The following ZNF365 variants were observed in gnomAD, a reference collection of about 807,000 sequenced individuals.
The protein encoded by ZNF365 is zinc finger protein 365.
Under a neutral mutation model 35.0 loss-of-function variants are expected in ZNF365, and 22 were observed. The observed-to-expected ratio is 0.63, with a 90% CI of 0.45 to 0.90. ZNF365 has a LOEUF of 0.90. Ranked by LOEUF, ZNF365 falls within the 40% of genes least tolerant of loss-of-function variation. The probability of loss-of-function intolerance (pLI) is 0.00; values close to 1 mark genes in which losing one functional copy is unlikely to be tolerated. For synonymous variants in ZNF365, 188 were observed against 196.2 expected, an observed-to-expected ratio of 0.96 and a Z score of 0.35; for missense variants, 448 against 500.3, an observed-to-expected ratio of 0.90 and a Z score of 1.00.
downstream of ZNF365, among the ~76,000 whole-genome samples, chr10:62,404,934 T>A (rs150496874): frequency 1.8e-3 from 270 of 152,334 alleles, 1 homozygote; most frequent in Middle Eastern, 6.8e-3. Flanking sequence ...ATATTTATCC[T>A]TACAGAATCC....
In ZNF365 at chr10:62,400,379, C is replaced by T. The variant is rs922162879; in HGVS notation, c.*590C>T. 2.6e-5 allele frequency: 26 copies of T among 986,216 alleles called. No individual in the cohort carries two copies. The allele number at this position is 986,216 out of a possible 1,614,324, so 61.1% of individuals were successfully genotyped here. On this transcript the variant is annotated 3_prime_UTR_variant, in exon 5 of 5. Transcript: ENST00000395254. Reference sequence around the variant, plus strand: ...ACTCGTTCAGTCAGACTTCAGTTCTCATTCCGACAGGGTGTCTTTCAGTTC... The same window carrying T: ...ACTCGTTCAGTCAGACTTCAGTTCTTATTCCGACAGGGTGTCTTTCAGTTC...
intron 3 of ZNF365, among the ~76,000 whole-genome samples, chr10:62,430,885 G>T (rs915290782): frequency 1.3e-5 from 2 of 152,134 alleles, no homozygotes; most frequent in Non-Finnish European, 2.9e-5. Context: ...GTGTCTTTAG[G>T]TGTATTCCTG....
At position 62,459,133 on chromosome 10, in the gene ZNF365, A is replaced by G. The variant is rs1840806635; in HGVS notation, c.925-608A>G. On this transcript the variant is annotated intron_variant, in intron 3 of 4. Coordinates refer to the ZNF365 transcript ENST00000395255. ...ATATATGGTTCTACTGAGGATGGCT[A>G]AAACACACATAGATGGAGGGAGAGC... Among the ~76,000 whole-genome samples, 3 of 152,256 alleles carry G rather than the reference A, an allele frequency of 2.0e-5. No homozygotes were observed. In the South Asian group the frequency reaches 6.2e-4, roughly 31 times the overall value.
At chr10:62,418,656 C>T (rs181414272) in intron 3 of ZNF365, among the ~76,000 whole-genome samples, 11 of 151,974 alleles carry the variant, frequency 7.2e-5, no homozygotes, top group Admixed American at 1.3e-4. Context: ...AATACGTGGG[C>T]GAAGTAATGG....
Position 62,442,318 on chromosome 10 carries a change from T to G in ZNF365, c.925-17423T>G, listed in dbSNP as rs74158908. ...TCGAAAGAGAGAAGGAAAATTTCCC[T>G]GCTAAATTGAATGCTCAGAGATGAA... On this transcript the variant is annotated intron_variant, in intron 3 of 4. Transcript: ENST00000395255. Among the ~76,000 whole-genome samples the G allele has an allele frequency of 9.9e-3, 1,506 of 152,316 alleles. 27 individuals are homozygous for G. Among genetic ancestry groups the G allele is most frequent in the African/African-American group, 0.034 (1,431 of 41,556 alleles).
chr10:62,387,711 T>C (rs1329911215), intron 2 of ZNF365, among the ~76,000 whole-genome samples: 2 of 152,212 alleles, frequency 1.3e-5, no homozygotes, highest in Non-Finnish European at 2.9e-5. Flanking sequence ...TGTTTTGTTC[T>C]AAGCTCTAAG....
At chr10:62,473,064 C>G (rs79081897) in intron 4 of ZNF365, among the ~76,000 whole-genome samples, 7,268 of 152,288 alleles carry the variant, frequency 0.048, 224 homozygotes, top group East Asian at 0.17. Flanking sequence ...CCATACGCCC[C>G]TTGGGGAAAG....
In ZNF365 at chr10:62,428,774, G is replaced by A. The variant is rs148570034; in HGVS notation, c.925-30967G>A. Among the ~76,000 whole-genome samples, 300 of 152,304 alleles carry A rather than the reference G, an allele frequency of 2.0e-3. 6 individuals carry two copies. The East Asian group carries it at 0.034, about 17-fold the overall frequency. Reference sequence around the variant, plus strand: ...GTAAAAATCCCACTTGACACTGAACGTGGCTTGTCACTCTAGACTCCTTCC... The same window carrying A: ...GTAAAAATCCCACTTGACACTGAACATGGCTTGTCACTCTAGACTCCTTCC... On this transcript the variant is annotated intron_variant, in intron 3 of 4. Coordinates refer to the ZNF365 transcript ENST00000395255.
chr10:62,403,016 G>A (rs569779461), downstream of ZNF365, among the ~76,000 whole-genome samples: 1 of 152,302 alleles, frequency 6.6e-6, no homozygotes, highest in South Asian at 2.1e-4. Flanking sequence ...AACAGTGCAA[G>A]GGTTAGGGAC....
chr10:62,406,273 T>C (rs1483945196), downstream of ZNF365, among the ~76,000 whole-genome samples: 2 of 152,150 alleles, frequency 1.3e-5, no homozygotes, highest in Non-Finnish European at 2.9e-5. Context: ...TTCTTTTTCA[T>C]CTAGTTAATT....
chr10:62,475,746 C>T (rs577073518), intron 4 of ZNF365, among the ~76,000 whole-genome samples: 14 of 152,256 alleles, frequency 9.2e-5, no homozygotes, highest in African/African-American at 3.1e-4. Context: ...GGCACCATGG[C>T]GGGATGAAGC....
At chr10:62,467,007 G>GAGACC (rs1340048491) in intron 4 of ZNF365, among the ~76,000 whole-genome samples, 1 of 152,156 alleles carries the variant, frequency 6.6e-6, no homozygotes, top group Non-Finnish European at 1.5e-5. Context: ...TTGTCTGGCT[G>GAGACC]AGACCATTAA....
intron 2 of ZNF365, among the ~76,000 whole-genome samples, chr10:62,382,180 G>A (rs1425856193): frequency 2.0e-5 from 3 of 152,188 alleles, no homozygotes; most frequent in Non-Finnish European, 2.9e-5. Flanking sequence ...AACTTGCTTT[G>A]CACAACCAAA....
chr10:62,453,787 GTTCAT>G (rs1840722027), intron 3 of ZNF365, among the ~76,000 whole-genome samples: 1 of 152,088 alleles, frequency 6.6e-6, no homozygotes. Flanking sequence ...CCATAAAGAT[GTTCAT>G]TTCAAGATTG....
chr10:62,375,097 C>T (rs942779925), intron 1 of ZNF365, among the ~76,000 whole-genome samples: 1 of 152,176 alleles, frequency 6.6e-6, no homozygotes, highest in African/African-American at 2.4e-5. Flanking sequence ...AGCTGGGCTC[C>T]CTCATTTCGG....
At chr10:62,379,419 A>T (rs966277762) in intron 2 of ZNF365, among the ~76,000 whole-genome samples, 1 of 152,182 alleles carries the variant, frequency 6.6e-6, no homozygotes, top group Admixed American at 6.5e-5. Context: ...AAGCGCAGTG[A>T]AATTGCCTTA....
chr10:62,444,912 C>T (rs1396285226), intron 3 of ZNF365, among the ~76,000 whole-genome samples: 1 of 152,062 alleles, frequency 6.6e-6, no homozygotes, highest in Non-Finnish European at 1.5e-5. Flanking sequence ...TCTCCTAATG[C>T]TATCCCTCCC....
At chr10:62,385,817 T>C (rs928175390) in intron 2 of ZNF365, among the ~76,000 whole-genome samples, 7 of 152,214 alleles carry the variant, frequency 4.6e-5, no homozygotes, top group South Asian at 2.1e-4. Flanking sequence ...AAAAGGTCAA[T>C]TTTTATATTT....
intron 3 of ZNF365, among the ~76,000 whole-genome samples, chr10:62,441,190 T>C (rs549065625): frequency 2.0e-5 from 3 of 152,308 alleles, no homozygotes; most frequent in Non-Finnish European, 2.9e-5. Flanking sequence ...ATTGCTTGGC[T>C]AAGGTCATAC....
Sources: gnomAD v4.1 joint callset for allele counts (sites outside exome capture counted in the v4.1 genomes callset) on GRCh38, gnomAD v4.1.1 for gene constraint, MANE v1.5 for transcripts, NCBI Gene and HGNC (gene_info 2026-07-23, HGNC 2026-07-21) for gene names.